PTPRD: variants seen among roughly 807,000 people sequenced by gnomAD.
PTPRD encodes protein tyrosine phosphatase receptor type D, also known as receptor-type tyrosine-protein phosphatase delta.
In PTPRD, 34 loss-of-function variants were observed where a neutral mutation model predicts 214.5. That is an observed-to-expected ratio of 0.16 (90% CI 0.12 to 0.21). PTPRD has a LOEUF of 0.21. Among genes scored for constraint, PTPRD ranks in the 10% least tolerant of loss-of-function variants. The pLI is 1.00. For synonymous variants in PTPRD, 1,128 were observed against 845.7 expected, an observed-to-expected ratio of 1.33 and a Z score of -5.79; for missense variants, 2,545 against 2,398.7, an observed-to-expected ratio of 1.06 and a Z score of -1.27.
intron 4 of PTPRD, among the ~76,000 whole-genome samples, chr9:9,982,430 C>G (rs10978146): frequency 0.21 from 30,732 of 149,588 alleles, 3,802 homozygotes; most frequent in South Asian, 0.32. Flanking sequence ...CTTATATATT[C>G]AAATGTGGGT....
intron 11 of PTPRD, among the ~76,000 whole-genome samples, chr9:8,948,566 T>A (rs1365309150): frequency 9.7e-6 from 1 of 102,814 alleles, no homozygotes; most frequent in Non-Finnish European, 1.8e-5. Context: ...TATATATTTA[T>A]ATATATATAT....
intron 10 of PTPRD, among the ~76,000 whole-genome samples, chr9:9,129,438 C>G (rs2099839202): frequency 6.6e-6 from 1 of 152,004 alleles, no homozygotes; most frequent in African/African-American, 2.4e-5. Flanking sequence ...TGTAACTCAG[C>G]TGATTTCCCT....
chr9:9,961,829 A>G (rs1476916443), intron 4 of PTPRD, among the ~76,000 whole-genome samples: 2 of 152,156 alleles, frequency 1.3e-5, no homozygotes, highest in Non-Finnish European at 2.9e-5. Flanking sequence ...AATGCAAAAC[A>G]TAGTTATTGT....
intron 2 of PTPRD, among the ~76,000 whole-genome samples, chr9:10,421,096 C>G (rs1483633013): frequency 6.6e-6 from 1 of 151,822 alleles, no homozygotes; most frequent in Non-Finnish European, 1.5e-5. Flanking sequence ...AAAAAAATCT[C>G]ATAATGTCTT....
At chr9:9,982,419 T>C (rs1198262353) in intron 4 of PTPRD, among the ~76,000 whole-genome samples, 1 of 151,950 alleles carries the variant, frequency 6.6e-6, no homozygotes, top group Non-Finnish European at 1.5e-5. Flanking sequence ...ATCAAAAATC[T>C]CTTATATATT....
intron 3 of PTPRD, among the ~76,000 whole-genome samples, chr9:10,115,075 C>G (rs1591540320): frequency 6.6e-6 from 1 of 151,492 alleles, no homozygotes; most frequent in East Asian, 1.9e-4. Flanking sequence ...TGCTATCTCT[C>G]ACAGCCTGTG....
chr9:10,038,701 C>T (rs1589477315), intron 3 of PTPRD, among the ~76,000 whole-genome samples: 1 of 152,044 alleles, frequency 6.6e-6, no homozygotes, highest in Admixed American at 6.6e-5. Flanking sequence ...AATATTTGCC[C>T]AGTTGCACAA....
rs559423753 is a variant in PTPRD at position 8,773,558 on chromosome 9, T to C, written c.-103-39612A>G. Among the ~76,000 whole-genome samples, 23 of 152,244 alleles carry C rather than the reference T, an allele frequency of 1.5e-4. No individual in the cohort carries two copies. The East Asian group carries it at 1.9e-3, about 13-fold the overall frequency. ...GGCTTGTTTCACACAGGAGAATAAATTGGTCCCTATCCTACTTGCTCAAAG... is the reference window on the plus strand; with the variant it reads ...GGCTTGTTTCACACAGGAGAATAAACTGGTCCCTATCCTACTTGCTCAAAG... On this transcript the variant is annotated intron_variant, in intron 11 of 45. Coordinates refer to ENST00000381196, the MANE Select transcript of PTPRD (RefSeq NM_002839.4).
intron 11 of PTPRD, among the ~76,000 whole-genome samples, chr9:8,821,950 A>G (rs2097076050): frequency 2.0e-5 from 3 of 152,212 alleles, no homozygotes; most frequent in South Asian, 2.1e-4. Context: ...GGCGTGAGCC[A>G]CCCATCTGGC....
intron 12 of PTPRD, among the ~76,000 whole-genome samples, chr9:8,637,211 G>T (rs1007543682): frequency 6.6e-6 from 1 of 152,128 alleles, no homozygotes; most frequent in East Asian, 1.9e-4. Flanking sequence ...AAATTTTAGC[G>T]CTTGCTTTGA....
chr9:10,090,058 G>T (rs1376880189), intron 3 of PTPRD, among the ~76,000 whole-genome samples: 1 of 151,660 alleles, frequency 6.6e-6, no homozygotes, highest in Non-Finnish European at 1.5e-5. Context: ...TTGCTTGATT[G>T]CTTTATCTGG....
At chr9:9,110,200 G>A (rs1459580698) in intron 10 of PTPRD, among the ~76,000 whole-genome samples, 1 of 152,064 alleles carries the variant, frequency 6.6e-6, no homozygotes, top group Non-Finnish European at 1.5e-5. Flanking sequence ...GATTTTGCTT[G>A]GTTCTCTCTC....
chr9:9,551,006 A>G (rs577868311), intron 8 of PTPRD, among the ~76,000 whole-genome samples: 1 of 152,114 alleles, frequency 6.6e-6, no homozygotes, highest in African/African-American at 2.4e-5. Context: ...ATAAGTTCCT[A>G]GAGTTATCTG....
intron 14 of PTPRD, among the ~76,000 whole-genome samples, chr9:8,543,855 C>G (rs2079124571): frequency 1.3e-5 from 2 of 151,828 alleles, no homozygotes; most frequent in South Asian, 4.2e-4. Flanking sequence ...TGGACTACAG[C>G]TGCGTGCCAC....
At chr9:10,285,959 A>G (rs527859605) in intron 3 of PTPRD, among the ~76,000 whole-genome samples, 5 of 152,082 alleles carry the variant, frequency 3.3e-5, no homozygotes, top group Non-Finnish European at 7.4e-5. Flanking sequence ...TACCAGACTC[A>G]ATAGGATTAT....
At chr9:10,514,511 G>A (rs1475487499) in intron 2 of PTPRD, among the ~76,000 whole-genome samples, 1 of 150,986 alleles carries the variant, frequency 6.6e-6, no homozygotes, top group African/African-American at 2.4e-5. Flanking sequence ...TTTTCTCTTA[G>A]GCAATGAATA....
chr9:9,555,640 G>A (rs1035613168), intron 8 of PTPRD, among the ~76,000 whole-genome samples: 1 of 152,006 alleles, frequency 6.6e-6, no homozygotes, highest in Non-Finnish European at 1.5e-5. Flanking sequence ...AGTTCAATAT[G>A]TTGTAAATCT....
intron 29 of PTPRD, 73 bp from the exon 30 acceptor site, chr9:8,484,451 C>T (rs1193043675): frequency 2.7e-6 from 4 of 1,470,242 alleles, no homozygotes; most frequent in African/African-American, 2.8e-5. Context: ...AACCAATGTG[C>T]ACTAGCTTTT....
At chr9:10,080,938 T>G (rs948994369) in intron 3 of PTPRD, among the ~76,000 whole-genome samples, 2 of 152,086 alleles carry the variant, frequency 1.3e-5, no homozygotes, top group African/African-American at 4.8e-5. Context: ...ACCATATATT[T>G]GTTTCTTGCC....
Sources: gnomAD v4.1 joint callset for allele counts (sites outside exome capture counted in the v4.1 genomes callset) on GRCh38, gnomAD v4.1.1 for gene constraint, MANE v1.5 for transcripts, NCBI Gene and HGNC (gene_info 2026-07-23, HGNC 2026-07-21) for gene names.